The following ABTB3 variants were observed in gnomAD, a reference collection of about 807,000 sequenced individuals.
ABTB3 encodes ankyrin repeat- and BTB/POZ domain-containing protein 3.
chr12:107,337,779 T>A, the ABTB3 span, among the ~76,000 whole-genome samples: 1 of 152,250 alleles, frequency 6.6e-6, no homozygotes, highest in South Asian at 2.1e-4. Flanking sequence ...CTAGATGTTG[T>A]TAAGGCAGCC....
At chr12:107,384,970 T>C in the ABTB3 span, among the ~76,000 whole-genome samples, 1 of 152,228 alleles carries the variant, frequency 6.6e-6, no homozygotes, top group Non-Finnish European at 1.5e-5. Context: ...CACCATGTCA[T>C]GTAGCTTTTT....
chr12:107,474,560 G>A, the ABTB3 span, among the ~76,000 whole-genome samples: 2 of 152,112 alleles, frequency 1.3e-5, no homozygotes, highest in East Asian at 1.9e-4. Flanking sequence ...ACCTGGGGCT[G>A]GACCATGGAT....
At chr12:107,386,094 G>A in the ABTB3 span, among the ~76,000 whole-genome samples, 1 of 152,168 alleles carries the variant, frequency 6.6e-6, no homozygotes, top group Non-Finnish European at 1.5e-5. Flanking sequence ...ATCCTTCACA[G>A]CTGTTCTCTC....
At chr12:107,467,598 A>G in the ABTB3 span, among the ~76,000 whole-genome samples, 1 of 152,016 alleles carries the variant, frequency 6.6e-6, no homozygotes, top group African/African-American at 2.4e-5. Context: ...TGACACATGT[A>G]TGTGCATGCA....
the ABTB3 span, among the ~76,000 whole-genome samples, chr12:107,523,349 G>C: frequency 1.8e-4 from 27 of 152,282 alleles, no homozygotes; most frequent in East Asian, 5.2e-3. Context: ...AATGCCTCCT[G>C]TCCCAGGGCC....
At chr12:107,610,604 G>A in the ABTB3 span, among the ~76,000 whole-genome samples, 1 of 152,120 alleles carries the variant, frequency 6.6e-6, no homozygotes, top group Non-Finnish European at 1.5e-5. Flanking sequence ...GGAAAAACAG[G>A]CCCATTCCAG....
chr12:107,384,896 A>G, the ABTB3 span, among the ~76,000 whole-genome samples: 1 of 152,198 alleles, frequency 6.6e-6, no homozygotes, highest in Non-Finnish European at 1.5e-5. Flanking sequence ...TCACTCTGGA[A>G]TCAGGGGTTA....
chr12:107,376,599 G>T, the ABTB3 span, among the ~76,000 whole-genome samples: 1 of 152,080 alleles, frequency 6.6e-6, no homozygotes, highest in East Asian at 1.9e-4. Context: ...GGCATTGCGC[G>T]ATGCTGTGAT....
the ABTB3 span, among the ~76,000 whole-genome samples, chr12:107,368,471 T>C: frequency 1.3e-5 from 2 of 152,210 alleles, no homozygotes; most frequent in South Asian, 4.1e-4. Context: ...CCCATCATAT[T>C]TTGTGTCTAT....
the ABTB3 span, among the ~76,000 whole-genome samples, chr12:107,394,702 G>T: frequency 7.5e-4 from 114 of 152,310 alleles, no homozygotes; most frequent in Middle Eastern, 3.4e-3. Flanking sequence ...GGGTTGTTTT[G>T]CTATTTAAAT....
At chr12:107,563,074 T>C in the ABTB3 span, among the ~76,000 whole-genome samples, 5 of 152,230 alleles carry the variant, frequency 3.3e-5, no homozygotes, top group Non-Finnish European at 5.9e-5. Flanking sequence ...AGCAGGGTCC[T>C]GGGCCCGACT....
the ABTB3 span, among the ~76,000 whole-genome samples, chr12:107,377,831 G>T: frequency 6.6e-6 from 1 of 152,156 alleles, no homozygotes; most frequent in Non-Finnish European, 1.5e-5. Context: ...TGTAATAAAG[G>T]CAGTAGGATG....
At chr12:107,407,194 AG>A in the ABTB3 span, among the ~76,000 whole-genome samples, 1 of 152,206 alleles carries the variant, frequency 6.6e-6, no homozygotes, top group Admixed American at 6.5e-5. Context: ...AATAGTCCCC[AG>A]CTCACCAGGG....
At chr12:107,543,553 A>G in the ABTB3 span, among the ~76,000 whole-genome samples, 3 of 152,078 alleles carry the variant, frequency 2.0e-5, no homozygotes, top group Admixed American at 2.0e-4. Context: ...AATAGAGAGC[A>G]TAGCCCATTC....
the ABTB3 span, among the ~76,000 whole-genome samples, chr12:107,468,079 G>A: frequency 1.3e-5 from 2 of 152,186 alleles, no homozygotes; most frequent in East Asian, 1.9e-4. Flanking sequence ...TTTCACAACC[G>A]AGAAACGCCA....
At chr12:107,617,415 A>G in the ABTB3 span, 1 of 1,614,150 alleles carries the variant, frequency 6.2e-7, no homozygotes. Flanking sequence ...TCTTTCAGCC[A>G]GGCTGCAGCC....
At chr12:107,492,439 G>A in the ABTB3 span, among the ~76,000 whole-genome samples, 9 of 152,184 alleles carry the variant, frequency 5.9e-5, no homozygotes, top group African/African-American at 2.2e-4. Flanking sequence ...CCCTCGGGAA[G>A]GCAGAGAAGA....
the ABTB3 span, among the ~76,000 whole-genome samples, chr12:107,491,684 G>A: frequency 6.6e-6 from 1 of 152,116 alleles, no homozygotes; most frequent in African/African-American, 2.4e-5. Flanking sequence ...TTAACTAGAC[G>A]TGGTGGCATG....
At chr12:107,527,376 A>G in the ABTB3 span, among the ~76,000 whole-genome samples, 1 of 152,140 alleles carries the variant, frequency 6.6e-6, no homozygotes, top group Admixed American at 6.5e-5. Flanking sequence ...GGTTCAAGCA[A>G]TTCTTGTGCC....
Sources: gnomAD v4.1 joint callset for allele counts (sites outside exome capture counted in the v4.1 genomes callset) on GRCh38, gnomAD v4.1.1 for gene constraint, MANE v1.5 for transcripts, NCBI Gene and HGNC (gene_info 2026-07-23, HGNC 2026-07-21) for gene names.